Variants in FRMD8 observed in about 807,000 individuals in gnomAD.
The protein encoded by FRMD8 is FERM domain-containing protein 8.
In FRMD8, 37 loss-of-function variants were observed where a neutral mutation model predicts 54.2. That is an observed-to-expected ratio of 0.68 (90% confidence interval 0.53 to 0.90). The LOEUF (loss-of-function observed/expected upper bound fraction) is 0.90, where lower values mean the gene tolerates loss of function less well. Ranked by LOEUF, FRMD8 falls within the 40% of genes least tolerant of loss-of-function variation. The pLI is 0.00. For synonymous variants in FRMD8, 246 were observed against 286.9 expected (o/e 0.86, Z 1.44); for missense variants, 585 against 653.7 (o/e 0.89, Z 1.15).
chr11:65,409,394 A>C (rs1409542295), intron 10 of FRMD8, among the ~76,000 whole-genome samples: 1 of 152,106 alleles, frequency 6.6e-6, no homozygotes, highest in Non-Finnish European at 1.5e-5. Flanking sequence ...GCCGATTGCA[A>C]ATTTTTACGT....
chr11:65,405,107 C>T (rs1456051763), intron 10 of FRMD8, 39 bp downstream of exon 10: 2 of 1,583,104 alleles, frequency 1.3e-6, no homozygotes, highest in Non-Finnish European at 1.7e-6. Flanking sequence ...CACAAACACG[C>T]ATGCGCGTGC....
At chr11:65,376,917 C>A in the FRMD8 span, 1 of 1,613,388 alleles carries the variant, frequency 6.2e-7, no homozygotes, top group African/African-American at 1.3e-5. Flanking sequence ...AGGGCCCAGG[C>A]TCCTCGGAAC....
At chr11:65,407,149 C>T (rs1446221337) in intron 10 of FRMD8, among the ~76,000 whole-genome samples, 1 of 152,018 alleles carries the variant, frequency 6.6e-6, no homozygotes, top group Non-Finnish European at 1.5e-5. Flanking sequence ...TTCTGGAACT[C>T]TCTACACCTT....
At chr11:65,376,551 C>A in the FRMD8 span, 1 of 1,614,186 alleles carries the variant, frequency 6.2e-7, no homozygotes, top group Non-Finnish European at 8.5e-7. Flanking sequence ...AGTCCAGCAT[C>A]CCCTGGTACA....
upstream of FRMD8, among the ~76,000 whole-genome samples, chr11:65,386,039 G>A (rs1379370687): frequency 1.3e-5 from 2 of 151,956 alleles, no homozygotes; most frequent in Non-Finnish European, 2.9e-5. Flanking sequence ...CTCGTGATCC[G>A]CCCGCCTCGG....
chr11:65,369,676 G>A, the FRMD8 span, among the ~76,000 whole-genome samples: 6 of 151,892 alleles, frequency 4.0e-5, no homozygotes, highest in African/African-American at 1.5e-4. Flanking sequence ...TACATGAGCC[G>A]AGATCAAGCC....
Position 65,400,453 on chromosome 11 carries a change from C to T in FRMD8, c.928-271C>T, listed in dbSNP as rs970887350. 1.3e-5 allele frequency among the ~76,000 whole-genome samples: 2 copies of T among 152,200 alleles called. No individual in the cohort carries two copies. The highest frequency in any genetic ancestry group is 2.4e-5 in the African/African-American group (1 of 41,450). ...CCTCATAGAAGAGACTCCGCTTCCCCACCTGCCTCCTCCCCCACGTGCCTC... is the reference window on the plus strand; with the variant it reads ...CCTCATAGAAGAGACTCCGCTTCCCTACCTGCCTCCTCCCCCACGTGCCTC... On this transcript the variant is annotated intron_variant, in intron 8 of 10. Coordinates refer to ENST00000317568, the MANE Select transcript of FRMD8 (RefSeq NM_031904.5). This position sits in a 1 kb window ranked among gnomAD's most constrained non-coding sequence, Gnocchi z 4.3.
intron 3 of FRMD8, among the ~76,000 whole-genome samples, chr11:65,391,430 C>G (rs1855843287): frequency 6.6e-6 from 1 of 152,110 alleles, no homozygotes; most frequent in African/African-American, 2.4e-5. Context: ...CGTGCAAAGC[C>G]TCTCTCAGGC....
At chr11:65,379,390 C>G in the FRMD8 span, 6 of 1,610,244 alleles carry the variant, frequency 3.7e-6, no homozygotes, top group Non-Finnish European at 5.1e-6. Flanking sequence ...AGGAACCCCC[C>G]GGTGCAGCCC....
Position 65,387,264 on chromosome 11 carries a change from C to CA in FRMD8, c.85+144dup, listed in dbSNP as rs539324067. ...AAGGTACATTCAGATGTGGAAAACTCACAGAAGTCAGAGGCTCTGTCACTA... is the reference window on the plus strand; with the variant it reads ...AAGGTACATTCAGATGTGGAAAACTCAACAGAAGTCAGAGGCTCTGTCACTA... On this transcript the variant is annotated intron_variant, in intron 2 of 10. Transcript: ENST00000317568. 2.2e-3 allele frequency: 1,726 copies of CA among 794,340 alleles called. 9 individuals carry two copies. Among genetic ancestry groups the CA allele is most frequent in the Admixed American group, 6.3e-3 (320 of 50,450 alleles). 49.2% of individuals were successfully genotyped at this position (794,340 alleles called of 1,614,324 possible).
At chr11:65,391,890 C>T (rs1384962396) in intron 3 of FRMD8, among the ~76,000 whole-genome samples, 1 of 152,126 alleles carries the variant, frequency 6.6e-6, no homozygotes, top group African/African-American at 2.4e-5. Context: ...AGCCAGTAGC[C>T]CCATGTGGCC....
Position 65,400,814 on chromosome 11 carries a change from G to T in FRMD8, c.1018G>T (p.Gly340Trp), listed in dbSNP as rs145735901. The change falls in exon 9 of 11, where the codon GGG becomes TGG. Residue 340 changes from glycine to tryptophan, a missense_variant. Gly to Trp is a radical substitution (Grantham distance 184, BLOSUM62 -2). Transcript: ENST00000317568. This position sits in a 1 kb window ranked among gnomAD's most constrained non-coding sequence, Gnocchi z 4.3. ...EEPILWLEFD[G>W]DSEGTPVNKL... ...GCCCATCTTGTGGCTGGAGTTCGAC[G>T]GGGACAGCGAGGGCACACCTGTCAA... 2.5e-6 allele frequency: 4 copies of T among 1,612,784 alleles called. No homozygotes were observed. The African/African-American group carries it at 5.3e-5, about 22-fold the overall frequency.
At chr11:65,407,740 A>T (rs1368327237) in intron 10 of FRMD8, among the ~76,000 whole-genome samples, 1 of 151,752 alleles carries the variant, frequency 6.6e-6, no homozygotes, top group Non-Finnish European at 1.5e-5. Context: ...ATACAAAAAG[A>T]AAAAAAATTA....
Position 65,400,905 on chromosome 11 carries a change from G to T in FRMD8, c.1071+38G>T. 6.4e-7 allele frequency: 1 copy of T among 1,551,544 alleles called. No homozygotes were observed. The highest frequency in any genetic ancestry group is 8.7e-7 in the Non-Finnish European group (1 of 1,148,372). ...GTGCCTGCACACGGGTGGGGAGGCT[G>T]GGCCCAGGTGCCCTGGGTCCCAGAC... On this transcript the variant is annotated intron_variant, in intron 9 of 10. Coordinates refer to ENST00000317568, the MANE Select transcript of FRMD8 (RefSeq NM_031904.5). This position sits in a 1 kb window ranked among gnomAD's most constrained non-coding sequence, Gnocchi z 4.3.
chr11:65,410,802 A>C (rs982259419), intron 10 of FRMD8, among the ~76,000 whole-genome samples: 19 of 152,238 alleles, frequency 1.2e-4, no homozygotes, highest in Non-Finnish European at 2.5e-4. Context: ...AACAAACAAA[A>C]AAAAACAAAC....
In FRMD8 at chr11:65,411,455, CA is replaced by C. The variant is rs1856330934; in HGVS notation, c.*96del. On this transcript the variant is annotated 3_prime_UTR_variant, in exon 11 of 11. Transcript: ENST00000317568. ...CGCCGGCTGCAACAGTCTCATGGGT[CA>C]CCACGTGGGGAGGGCTGCCTCAGCA... The C allele has an allele frequency of 5.2e-6, 4 of 770,590 alleles. No individual in the cohort carries two copies. The highest frequency in any genetic ancestry group is 7.9e-6 in the Non-Finnish European group (4 of 507,262). The allele number at this position is 770,590 out of a possible 1,614,324, so 47.7% of individuals were successfully genotyped here. A position where few individuals can be genotyped will look rare whatever the true frequency, so the allele number is the denominator to read the frequency against.
chr11:65,403,964 G>T (rs1390194791), intron 9 of FRMD8, among the ~76,000 whole-genome samples: 2 of 152,188 alleles, frequency 1.3e-5, no homozygotes, highest in Non-Finnish European at 2.9e-5. Flanking sequence ...AGTCCACTTG[G>T]TGAGGAGAGG....
chr11:65,408,580 A>G (rs1856259777), intron 10 of FRMD8, among the ~76,000 whole-genome samples: 1 of 151,634 alleles, frequency 6.6e-6, no homozygotes, highest in South Asian at 2.1e-4. Context: ...TCCTCAGGAT[A>G]CTTTCCTAGA....
chr11:65,394,497 A>T (rs1855908522), intron 6 of FRMD8, 72 bp downstream of exon 6: 1 of 1,501,638 alleles, frequency 6.7e-7, no homozygotes, highest in Admixed American at 2.0e-5. Flanking sequence ...ACTTACAAGC[A>T]GTCTTCAGTC....
Sources: allele counts gnomAD v4.1 joint callset (sites outside exome capture counted in the v4.1 genomes callset), GRCh38; gene constraint gnomAD v4.1.1; non-coding constraint Gnocchi (gnomAD v3.1); transcripts MANE v1.5; gene names NCBI Gene and HGNC (gene_info 2026-07-23, HGNC 2026-07-21).